The following CCDC18 variants were observed in gnomAD, a reference collection of about 807,000 sequenced individuals.
The protein encoded by CCDC18 is coiled-coil domain containing 18, also known as coiled-coil domain-containing protein 18.
A neutral mutation model predicts 196.0 loss-of-function variants in CCDC18; 157 were observed. That is an observed-to-expected ratio of 0.80 (90% CI 0.70 to 0.91). The LOEUF (loss-of-function observed/expected upper bound fraction) is 0.91. CCDC18 is among the 40% of genes least tolerant of loss of function. CCDC18 has a pLI of 0.00. For synonymous variants in CCDC18, 482 were observed against 529.2 expected, an observed-to-expected ratio of 0.91 and a Z score of 1.22; for missense variants, 1,465 against 1,611.6, an observed-to-expected ratio of 0.91 and a Z score of 1.56.
chr1:93,193,185 CAA>C (rs1345204843), intron 5 of CCDC18, among the ~76,000 whole-genome samples: 1 of 151,938 alleles, frequency 6.6e-6, no homozygotes, highest in Non-Finnish European at 1.5e-5. Flanking sequence ...GTTTCTGAGT[CAA>C]AGAGTAGGAA....
intron 6 of CCDC18, among the ~76,000 whole-genome samples, chr1:93,201,448 C>T (rs975274026): frequency 6.6e-6 from 1 of 151,964 alleles, no homozygotes; most frequent in Non-Finnish European, 1.5e-5. Context: ...ATAGAAGTTA[C>T]CATTTTTTGA....
intron 6 of CCDC18, among the ~76,000 whole-genome samples, chr1:93,200,191 T>C (rs1653583773): frequency 1.3e-5 from 2 of 151,962 alleles, no homozygotes; most frequent in African/African-American, 4.8e-5. Flanking sequence ...CCCAGGCTGG[T>C]CTCTAACATC....
Position 93,264,811 on chromosome 1 carries a change from A to G in CCDC18, c.3795A>G (p.Glu1265=), listed in dbSNP as rs1388232999. The change falls in exon 27 of 29, where the codon GAA becomes GAG. Residue 1265 remains glutamate, a synonymous_variant. Transcript: ENST00000690025. ...TAGAGAAGGCAAAATTGGAATTAGA[A>G]GAAGCTCAGGATACTGTAAGCAATT... ...EQLEKAKLEL[E]EAQDTVSNLH... 6.2e-7 allele frequency: 1 copy of G among 1,613,484 alleles called. No individual in the cohort carries two copies. Among genetic ancestry groups the G allele is most frequent in the African/African-American group, 1.3e-5 (1 of 74,920 alleles).
intron 14 of CCDC18, among the ~76,000 whole-genome samples, chr1:93,219,549 G>A (rs1657073079): frequency 6.6e-6 from 1 of 152,192 alleles, no homozygotes; most frequent in African/African-American, 2.4e-5. Flanking sequence ...TGACTAACGA[G>A]CAGGTAGCTT....
intron 16 of CCDC18, among the ~76,000 whole-genome samples, chr1:93,224,248 C>T (rs796737423): frequency 4.5e-4 from 68 of 152,176 alleles, no homozygotes; most frequent in African/African-American, 1.5e-3. Flanking sequence ...CCTACCAACC[C>T]ACCTCCCTTT....
At chr1:93,201,773 A>G in intron 6 of CCDC18, 119 bp from the exon 7 acceptor site, 1 of 567,924 alleles carries the variant, frequency 1.8e-6, no homozygotes, top group South Asian at 3.6e-5. Flanking sequence ...ACTCCTTTTT[A>G]GTGCAGAGAA....
chr1:93,235,641 G>A (rs1038117010), intron 18 of CCDC18, among the ~76,000 whole-genome samples: 1 of 152,118 alleles, frequency 6.6e-6, no homozygotes, highest in African/African-American at 2.4e-5. Flanking sequence ...CAGTGGGAAA[G>A]TCTTTTAACA....
In CCDC18 at chr1:93,205,702, A is replaced by G. The variant is rs775725295; in HGVS notation, c.917+71A>G. ...AAAAACTGAAACACTTTAAAACACA[A>G]TATTTTATTGTTGTAATTATAGGCT... On this transcript the variant is annotated intron_variant, in intron 8 of 28. Transcript: ENST00000690025. 77 of 1,346,880 alleles carry G rather than the reference A, an allele frequency of 5.7e-5. No individual in the cohort carries two copies. In the Admixed American group the frequency reaches 8.0e-4, roughly 14 times the overall value. 83.4% of individuals were successfully genotyped at this position (1,346,880 alleles called of 1,614,324 possible).
At chr1:93,193,411 T>C (rs897129486) in intron 5 of CCDC18, among the ~76,000 whole-genome samples, 2 of 152,172 alleles carry the variant, frequency 1.3e-5, no homozygotes, top group African/African-American at 4.8e-5. Context: ...TCAGATATAT[T>C]TATCATCTGG....
intron 14 of CCDC18, among the ~76,000 whole-genome samples, chr1:93,221,388 C>CT (rs1186405843): frequency 1.3e-5 from 2 of 151,060 alleles, no homozygotes; most frequent in South Asian, 2.1e-4. Flanking sequence ...CAATGTTGAG[C>CT]TTTTTTTTTG....
chr1:93,202,875 G>A (rs1419570745), intron 7 of CCDC18, among the ~76,000 whole-genome samples: 1 of 152,172 alleles, frequency 6.6e-6, no homozygotes, highest in Non-Finnish European at 1.5e-5. Context: ...TAAGAGGTAG[G>A]TGTGGTAGGG....
intron 9 of CCDC18, among the ~76,000 whole-genome samples, chr1:93,207,935 G>A (rs941743492): frequency 6.6e-6 from 1 of 152,024 alleles, no homozygotes; most frequent in Non-Finnish European, 1.5e-5. Context: ...AGTCGTTCAT[G>A]TTGTGATATC....
At chr1:93,225,361 C>T (rs1051088555) in intron 16 of CCDC18, among the ~76,000 whole-genome samples, 1 of 152,210 alleles carries the variant, frequency 6.6e-6, no homozygotes, top group Non-Finnish European at 1.5e-5. Context: ...TATATGAACA[C>T]TTGGACCAAG....
At chr1:93,243,690 C>T (rs1366164475) in intron 21 of CCDC18, among the ~76,000 whole-genome samples, 4 of 152,136 alleles carry the variant, frequency 2.6e-5, no homozygotes, top group African/African-American at 9.7e-5. Flanking sequence ...ATCATCTCTC[C>T]GAAGTTCAAA....
intron 6 of CCDC18, among the ~76,000 whole-genome samples, chr1:93,199,325 G>C (rs1653394303): frequency 6.6e-6 from 1 of 152,246 alleles, no homozygotes; most frequent in Admixed American, 6.5e-5. Context: ...GGCTGTGGTG[G>C]TGTGAGCAGC....
At chr1:93,273,251 G>A (rs1665446687) in intron 28 of CCDC18, among the ~76,000 whole-genome samples, 2 of 152,006 alleles carry the variant, frequency 1.3e-5, no homozygotes, top group South Asian at 4.2e-4. Flanking sequence ...TGTATTTTTA[G>A]TAGAGACGGG....
At chr1:93,240,069 C>T (rs570846987) in intron 21 of CCDC18, among the ~76,000 whole-genome samples, 173 bp downstream of exon 21, 291 of 152,208 alleles carry the variant, frequency 1.9e-3, no homozygotes, top group African/African-American at 6.7e-3. Flanking sequence ...CTTTGTTGGC[C>T]GCCAAAACTT....
intron 6 of CCDC18, among the ~76,000 whole-genome samples, chr1:93,198,414 T>C (rs1360849350): frequency 2.0e-5 from 3 of 152,134 alleles, no homozygotes; most frequent in African/African-American, 7.2e-5. Context: ...ATAGGCAAAA[T>C]TAACATATGT....
rs368013173 is a variant in CCDC18 at position 93,210,851 on chromosome 1, T to G, written c.1259T>G (p.Met420Arg). 7 of 1,610,930 alleles carry G rather than the reference T, an allele frequency of 4.3e-6. No homozygotes were observed. The highest frequency in any genetic ancestry group is 5.9e-6 in the Non-Finnish European group (7 of 1,177,124). ...GFKSYLSKYQ[M>R]SSFSNKEDRC... The stretch of plus-strand genomic sequence containing the variant: ...AAATCATATCTTTCTAAATACCAGA[T>G]GAGTAGCTTCTCAAACAAGGAAGAC... The change falls in exon 10 of 29, where the codon ATG (methionine) becomes AGG (arginine). Residue 420 changes from methionine to arginine, a missense_variant. Met to Arg is a moderately conservative substitution (Grantham distance 91). Coordinates refer to ENST00000690025, the MANE Select transcript of CCDC18 (RefSeq NM_001378204.1).
Sources: allele counts gnomAD v4.1 joint callset (sites outside exome capture counted in the v4.1 genomes callset), GRCh38; gene constraint gnomAD v4.1.1; transcripts MANE v1.5; gene names NCBI Gene and HGNC (gene_info 2026-07-23, HGNC 2026-07-21).